Variants in ENG observed in about 807,000 individuals in gnomAD.
The protein encoded by ENG is endoglin.
Under a neutral mutation model 71.0 loss-of-function variants are expected in ENG, and 17 were observed. The observed-to-expected ratio is 0.24, with a 90% CI of 0.16 to 0.36. The LOEUF is 0.36. Among genes scored for constraint, ENG ranks in the 10% least tolerant of loss-of-function variants. The pLI, the probability that ENG is intolerant of heterozygous loss-of-function variation, is 1.00. For synonymous variants in ENG, 360 were observed against 366.9 expected, an observed-to-expected ratio of 0.98 and a Z score of 0.21; for missense variants, 749 against 868.3, an observed-to-expected ratio of 0.86 and a Z score of 1.73.
In ENG at chr9:127,846,527, G is replaced by A. The variant is rs1238855509; in HGVS notation, c.68-3282C>T. Among the ~76,000 whole-genome samples the A allele has an allele frequency of 5.9e-5, 9 of 152,250 alleles. No homozygotes were observed. In the South Asian group the frequency reaches 8.3e-4, roughly 14 times the overall value. On this transcript the variant is annotated intron_variant, in intron 1 of 14. Transcript: ENST00000373203. This position sits in a 1 kb window ranked among gnomAD's most constrained non-coding sequence, Gnocchi z 5.5. ...CGGATTGCTGGGGCCGCCTGGGGCC[G>A]CCTCCTCCATGCCGTCAGCCAGCGG...
At chr9:127,819,569 G>A (rs916559930) in intron 10 of ENG, 53 bp downstream of exon 10, 13 of 1,610,570 alleles carry the variant, frequency 8.1e-6, no homozygotes, top group Non-Finnish European at 1.1e-5. Context: ...AGAGGCCCCG[G>A]CCCAGCAGCA....
intron 1 of ENG, among the ~76,000 whole-genome samples, chr9:127,853,483 G>A (rs995399535): frequency 3.9e-5 from 6 of 152,078 alleles, no homozygotes; most frequent in African/African-American, 1.4e-4. Context: ...CCCCTCCTCT[G>A]GTCAGTTTCA....
In ENG at chr9:127,829,715, G is replaced by A. The variant is rs1029247883; in HGVS notation, c.332C>T (p.Ala111Val). Residue 111 changes from alanine (A) to valine (V), a missense_variant, in exon 3 of 15, where the codon GCC becomes GTC. Physicochemically the swap from Ala to Val is moderately conservative, Grantham distance 64 (BLOSUM62 0). Coordinates refer to ENST00000373203, the MANE Select transcript of ENG (RefSeq NM_001114753.3). ...VNSSVFLHLQ[A>V]LGIPLHLAYN... ...GGCCAAGTGCAGTGGGATTCCCAGG[G>A]CCTGGAGATGCAGGAAGACACTGCT... The A allele has an allele frequency of 1.9e-6, 3 of 1,614,144 alleles. No homozygotes were observed. Among genetic ancestry groups the A allele is most frequent in the Non-Finnish European group, 2.5e-6 (3 of 1,180,028 alleles).
At chr9:127,825,129 T>C in intron 6 of ENG, 102 bp downstream of exon 6, 1 of 1,607,286 alleles carries the variant, frequency 6.2e-7, no homozygotes, top group Non-Finnish European at 8.5e-7. Context: ...CATAGGTGAT[T>C]TGTCCTTCAG....
intron 2 of ENG, among the ~76,000 whole-genome samples, chr9:127,835,096 T>C (rs1479015192): frequency 6.6e-6 from 1 of 151,996 alleles, no homozygotes; most frequent in East Asian, 1.9e-4. Context: ...CCCCTCAGGC[T>C]CAAGTGATCC....
chr9:127,845,353 T>C (rs1831143603), intron 1 of ENG, among the ~76,000 whole-genome samples: 1 of 152,234 alleles, frequency 6.6e-6, no homozygotes, highest in African/African-American at 2.4e-5. Context: ...CCCCTTGCCA[T>C]GGCAACGCCA....
chr9:127,849,117 G>A (rs1381881587), intron 1 of ENG, among the ~76,000 whole-genome samples: 2 of 151,968 alleles, frequency 1.3e-5, no homozygotes, highest in Admixed American at 6.6e-5. Flanking sequence ...TACTCACCCC[G>A]CCACTCTGGC....
chr9:127,842,436 T>C lies in ENG; in HGVS notation c.219+658A>G, dbSNP rs533976888. On this transcript the variant is annotated intron_variant, in intron 2 of 14. Transcript: ENST00000373203. ...TTTATTTTTATTTTTTTATTTTTTA[T>C]TTTTTTGAGACAGAGTCTCACTCTG... 7.9e-5 allele frequency among the ~76,000 whole-genome samples: 12 copies of C among 151,728 alleles called. No homozygotes were observed. In the East Asian group the frequency reaches 2.3e-3, roughly 29 times the overall value.
At position 127,843,640 on chromosome 9, in the gene ENG, T is replaced by C. The variant is rs1308508278; in HGVS notation, c.68-395A>G. 2.0e-5 allele frequency among the ~76,000 whole-genome samples: 3 copies of C among 148,532 alleles called. No homozygotes were observed. In the East Asian group the frequency reaches 5.8e-4, roughly 29 times the overall value. On this transcript the variant is annotated intron_variant, in intron 1 of 14. Transcript: ENST00000373203. ...TGGGCCCCATGTATATATGTGTGTG[T>C]GTATATATACATACACACACATATA... is the stretch of plus-strand genomic sequence containing the variant.
chr9:127,841,675 TG>T (rs1254597539), intron 2 of ENG, among the ~76,000 whole-genome samples: 1 of 152,258 alleles, frequency 6.6e-6, no homozygotes, highest in East Asian at 1.9e-4. Context: ...TTAACAGTTT[TG>T]GGGGCAGATT....
At chr9:127,848,016 T>C (rs924475314) in intron 1 of ENG, among the ~76,000 whole-genome samples, 1 of 152,206 alleles carries the variant, frequency 6.6e-6, no homozygotes, top group Non-Finnish European at 1.5e-5. Context: ...GCCAGCTGCC[T>C]TTCCATCCTC....
chr9:127,818,196 T>A lies in ENG; in HGVS notation c.1610A>T (p.Tyr537Phe), dbSNP rs532853893. ...DPRFSFLLHF[Y>F]TVPIPKTGTL... ...GCCGGTTTTGGGTATGGGTACTGTG[T>A]AGAAGTGGAGGAGGAAGCTGAAGCG... The change falls in exon 12 of 15, where the codon TAC becomes TTC. Residue 537 changes from tyrosine (Y) to phenylalanine (F), a missense_variant. Transcript: ENST00000373203. 2 of 1,614,162 alleles carry A rather than the reference T, an allele frequency of 1.2e-6. No individual in the cohort carries two copies. The highest frequency in any genetic ancestry group is 2.2e-5 in the South Asian group (2 of 91,086).
intron 2 of ENG, among the ~76,000 whole-genome samples, chr9:127,840,834 A>G (rs1831012898): frequency 6.6e-6 from 1 of 152,214 alleles, no homozygotes; most frequent in Non-Finnish European, 1.5e-5. Context: ...AGTTCTCTAG[A>G]AGAGGCAGAG....
intron 8 of ENG, 46 bp from the exon 9 acceptor site, chr9:127,820,083 G>C (rs1461626362): frequency 1.7e-5 from 27 of 1,602,070 alleles, no homozygotes; most frequent in Non-Finnish European, 2.3e-5. Flanking sequence ...TGGGGTCTCT[G>C]TGGCCTGCCA....
chr9:127,843,251 G>A lies in ENG; in HGVS notation c.68-6C>T. On this transcript the variant is annotated splice_polypyrimidine_tract_variant and splice_region_variant and intron_variant, in intron 1 of 14. Coordinates refer to ENST00000373203, the MANE Select transcript of ENG (RefSeq NM_001114753.3). ...ATGGACTGTTTCTGCAAGACCTGTT[G>A]GAGAAACATCCGGAAAGAGGCCAGG... 2 of 1,614,190 alleles carry A rather than the reference G, an allele frequency of 1.2e-6. No homozygotes were observed. Among genetic ancestry groups the A allele is most frequent in the Non-Finnish European group, 1.7e-6 (2 of 1,180,026 alleles).
At chr9:127,819,167 C>T (rs376006515) in intron 10 of ENG, 28 of 349,702 alleles carry the variant, frequency 8.0e-5, no homozygotes, top group African/African-American at 5.3e-4. Context: ...TCAATCTCTT[C>T]ACCTCGTGAT....
chr9:127,853,580 GC>G (rs1829083275), intron 1 of ENG, among the ~76,000 whole-genome samples: 2 of 152,334 alleles, frequency 1.3e-5, no homozygotes, highest in Admixed American at 1.3e-4. Flanking sequence ...ACCCACTCCT[GC>G]ACCCTTTCTG....
intron 9 of ENG, 29 bp from the exon 10 acceptor site, chr9:127,819,689 A>C: frequency 6.3e-7 from 1 of 1,597,898 alleles, no homozygotes; most frequent in Non-Finnish European, 8.5e-7. Context: ...GGAGCTGGTC[A>C]GAGCCAGAAA....
chr9:127,831,195 C>T (rs1355685037), intron 2 of ENG, among the ~76,000 whole-genome samples: 2 of 147,748 alleles, frequency 1.4e-5, no homozygotes, highest in Non-Finnish European at 3.0e-5. Flanking sequence ...GAGTCTCCCT[C>T]TGTTGTCCAG....
Sources: allele counts gnomAD v4.1 joint callset (sites outside exome capture counted in the v4.1 genomes callset), GRCh38; gene constraint gnomAD v4.1.1; non-coding constraint Gnocchi (gnomAD v3.1); transcripts MANE v1.5; gene names NCBI Gene and HGNC (gene_info 2026-07-23, HGNC 2026-07-21).